The following CTCF variants were observed in gnomAD, a reference collection of about 807,000 sequenced individuals.
The protein encoded by CTCF is CCCTC-binding factor, also known as transcriptional repressor CTCF.
Under a neutral mutation model 72.3 loss-of-function variants are expected in CTCF, and 7 were observed. The observed-to-expected ratio is 0.10, with a 90% CI of 0.06 to 0.18. The LOEUF (loss-of-function observed/expected upper bound fraction) is 0.18. Among genes scored for constraint, CTCF ranks in the 10% least tolerant of loss-of-function variants. The pLI is 1.00. For synonymous variants in CTCF, 374 were observed against 315.8 expected (o/e 1.18, Z -1.95); for missense variants, 516 against 949.1 (o/e 0.54, Z 6.00).
chr16:67,584,953 C>T (rs549847593), intron 2 of CTCF, among the ~76,000 whole-genome samples: 1 of 152,238 alleles, frequency 6.6e-6, no homozygotes, highest in East Asian at 1.9e-4. Context: ...TCTCTTTTGA[C>T]AGAAAAACAT....
chr16:67,579,461 C>T (rs1387934509), intron 2 of CTCF, among the ~76,000 whole-genome samples: 3 of 151,608 alleles, frequency 2.0e-5, no homozygotes, highest in South Asian at 2.1e-4. Context: ...CAGGTTTAAG[C>T]GATTCTCTTG....
chr16:67,608,395 T>C (rs2052007397), intron 2 of CTCF, among the ~76,000 whole-genome samples: 1 of 152,024 alleles, frequency 6.6e-6, no homozygotes, highest in Non-Finnish European at 1.5e-5. Context: ...CCTGATCTCA[T>C]TGTCAGGAGA....
intron 7 of CTCF, among the ~76,000 whole-genome samples, chr16:67,623,785 C>A (rs1215226214): frequency 6.6e-6 from 1 of 152,054 alleles, no homozygotes; most frequent in African/African-American, 2.4e-5. Context: ...CACGGTGGCT[C>A]ACGCCTCTAA....
chr16:67,590,841 A>G (rs941986846), intron 2 of CTCF, among the ~76,000 whole-genome samples: 5 of 151,700 alleles, frequency 3.3e-5, no homozygotes, highest in African/African-American at 7.3e-5. Context: ...CCTGTAATCA[A>G]TCCCAGCTAC....
intron 10 of CTCF, among the ~76,000 whole-genome samples, chr16:67,631,161 TTTTGTTTTTTG>T (rs1226125884): frequency 9.6e-5 from 13 of 135,368 alleles, no homozygotes; most frequent in African/African-American, 3.1e-4. Context: ...TTTGTTTTTT[TTTTGTTTTTTG>T]TTTTTTTTTT....
At chr16:67,618,508 T>C (rs1248756976) in intron 5 of CTCF, among the ~76,000 whole-genome samples, 1 of 152,232 alleles carries the variant, frequency 6.6e-6, no homozygotes, top group Non-Finnish European at 1.5e-5. Context: ...TGACAAGATA[T>C]TCATTCTTAA....
At chr16:67,592,183 G>A (rs1332628495) in intron 2 of CTCF, among the ~76,000 whole-genome samples, 2 of 152,040 alleles carry the variant, frequency 1.3e-5, no homozygotes, top group East Asian at 3.8e-4. Context: ...AGGATGAGGC[G>A]GGCACATCAC....
intron 2 of CTCF, among the ~76,000 whole-genome samples, chr16:67,588,096 G>T (rs1002633999): frequency 6.6e-6 from 1 of 152,238 alleles, no homozygotes; most frequent in African/African-American, 2.4e-5. Context: ...GACCTCAGGT[G>T]ATTCACCTGC....
intron 2 of CTCF, among the ~76,000 whole-genome samples, chr16:67,595,129 T>C (rs972108490): frequency 6.6e-6 from 1 of 152,174 alleles, no homozygotes; most frequent in African/African-American, 2.4e-5. Flanking sequence ...TTGAGCCTCA[T>C]TTCAGGAAGG....
At chr16:67,602,410 C>A (rs1303731867) in intron 2 of CTCF, among the ~76,000 whole-genome samples, 1 of 152,146 alleles carries the variant, frequency 6.6e-6, no homozygotes, top group Admixed American at 6.6e-5. Flanking sequence ...TTCTTTGATA[C>A]CTTTTCTGAG....
At chr16:67,634,537 T>TC (rs60863479) in intron 10 of CTCF, among the ~76,000 whole-genome samples, 8 of 148,332 alleles carry the variant, frequency 5.4e-5, no homozygotes, top group Non-Finnish European at 1.0e-4. Flanking sequence ...TTTTTTTTTT[T>TC]ACACAGGATC....
At position 67,611,151 on chromosome 16, in the gene CTCF, C is replaced by T; in HGVS notation, c.319C>T (p.Pro107Ser). 6.2e-7 allele frequency: 1 copy of T among 1,614,132 alleles called. No individual in the cohort carries two copies. Residue 107 changes from proline to serine, a missense_variant, in exon 3 of 12, where the codon CCC (proline) becomes TCC (serine). Transcript: ENST00000264010. Reference protein sequence around the residue: ...TLQVVNMEEQPINIGELQLVQ... With the variant: ...TLQVVNMEEQSINIGELQLVQ... ...ACAGGTTGTAAATATGGAGGAACAG[C>T]CCATAAACATAGGAGAACTTCAGCT... is the stretch of plus-strand genomic sequence containing the variant.
chr16:67,636,644 C>T, intron 10 of CTCF, 46 bp from the exon 11 acceptor site: 5 of 1,476,214 alleles, frequency 3.4e-6, no homozygotes, highest in Non-Finnish European at 4.6e-6. Context: ...TCTTCCACCA[C>T]CCTTCTCCTT....
Position 67,610,856 on chromosome 16 carries a change from C to T in CTCF, c.24C>T (p.Ala8=). 6.7e-7 allele frequency: 1 copy of T among 1,487,370 alleles called. No individual in the cohort carries two copies. Among genetic ancestry groups the T allele is most frequent in the Non-Finnish European group, 9.0e-7 (1 of 1,116,822 alleles). 92.1% of individuals were successfully genotyped at this position (1,487,370 alleles called of 1,614,324 possible). A position where few individuals can be genotyped will look rare whatever the true frequency, so the allele number is the denominator to read the frequency against. Residue 8 remains alanine (A), a synonymous_variant, in exon 3 of 12, where the codon GCC becomes GCT. Coordinates refer to ENST00000264010, the MANE Select transcript of CTCF (RefSeq NM_006565.4). MEGDAVE[A]IVEESETFIK... is the part of the protein sequence containing the mutation. ...AAATGGAAGGTGATGCAGTCGAAGC[C>T]ATTGTGGAGGAGTCCGAAACTTTTA...
intron 5 of CTCF, among the ~76,000 whole-genome samples, chr16:67,618,968 A>ATT (rs1368028494): frequency 6.6e-6 from 1 of 152,270 alleles, no homozygotes; most frequent in Non-Finnish European, 1.5e-5. Context: ...TTGTAAAACT[A>ATT]TAGTAAATGA....
chr16:67,593,269 TG>T (rs2051770217), intron 2 of CTCF, among the ~76,000 whole-genome samples: 1 of 152,018 alleles, frequency 6.6e-6, no homozygotes, highest in Non-Finnish European at 1.5e-5. Flanking sequence ...TTATGAGGTT[TG>T]GGGGTACAAT....
chr16:67,587,340 T>C (rs1173073031), intron 2 of CTCF, among the ~76,000 whole-genome samples: 1 of 152,118 alleles, frequency 6.6e-6, no homozygotes, highest in Non-Finnish European at 1.5e-5. Context: ...CAAGTATCCA[T>C]TGTTGTTATT....
intron 1 of CTCF, among the ~76,000 whole-genome samples, chr16:67,564,345 A>G (rs1256657752): frequency 6.6e-6 from 1 of 152,218 alleles, no homozygotes; most frequent in Admixed American, 6.5e-5. Context: ...TTAGGAAGGA[A>G]GCTATGTTAA....
At chr16:67,592,000 A>C (rs367688853) in intron 2 of CTCF, among the ~76,000 whole-genome samples, 27 of 152,230 alleles carry the variant, frequency 1.8e-4, no homozygotes, top group African/African-American at 6.0e-4. Flanking sequence ...TGTGTGAGCC[A>C]CTGTGCCCGA....
Sources: gnomAD v4.1 joint callset for allele counts (sites outside exome capture counted in the v4.1 genomes callset) on GRCh38, gnomAD v4.1.1 for gene constraint, MANE v1.5 for transcripts, NCBI Gene and HGNC (gene_info 2026-07-23, HGNC 2026-07-21) for gene names.